Variants in LRRC8C observed in about 807,000 individuals in gnomAD.
LRRC8C encodes volume-regulated anion channel subunit LRRC8C.
A neutral mutation model predicts 55.3 loss-of-function variants in LRRC8C; 20 were observed. That is an observed-to-expected ratio of 0.36 (90% CI 0.25 to 0.53). The LOEUF (loss-of-function observed/expected upper bound fraction) is 0.53. Among genes scored for constraint, LRRC8C ranks in the 20% least tolerant of loss-of-function variants. The pLI, the probability that LRRC8C is intolerant of heterozygous loss-of-function variation, is 0.92. For missense variants in LRRC8C, 659 were observed against 951.4 expected, an observed-to-expected ratio of 0.69 and a Z score of 4.04; for synonymous variants, 376 against 360.7, an observed-to-expected ratio of 1.04 and a Z score of -0.48.
intron 1 of LRRC8C, among the ~76,000 whole-genome samples, chr1:89,664,532 T>C (rs1418935294): frequency 6.6e-6 from 1 of 152,230 alleles, no homozygotes; most frequent in Non-Finnish European, 1.5e-5. Context: ...CCATGCTGTT[T>C]TGATTACTGT....
Position 89,713,336 on chromosome 1 carries a change from G to C in LRRC8C, c.766G>C (p.Asp256His), listed in dbSNP as rs1658710540. The C allele has an allele frequency of 6.2e-7, 1 of 1,614,220 alleles. No homozygotes were observed. The highest frequency in any genetic ancestry group is 1.7e-5 in the Admixed American group (1 of 60,028). The stretch of plus-strand genomic sequence containing the variant: ...GTTCAGGCTGCATGTGGAAGAAGGT[G>C]ATATTCTATATGCCATGTATGTTCG... Reference protein sequence around the residue: ...KKFRLHVEEGDILYAMYVRQT... With the variant: ...KKFRLHVEEGHILYAMYVRQT... Residue 256 changes from aspartate to histidine, a missense_variant, in exon 3 of 3, where the codon GAT becomes CAT. Transcript: ENST00000370454. The surrounding 1 kb of genome is among the most constrained non-coding windows in gnomAD (Gnocchi z 5.2).
intron 1 of LRRC8C, among the ~76,000 whole-genome samples, chr1:89,678,777 G>A (rs1407326616): frequency 6.6e-6 from 1 of 151,940 alleles, no homozygotes; most frequent in Non-Finnish European, 1.5e-5. Context: ...TTATGAGACA[G>A]GAGTCAAGGA....
chr1:89,640,045 T>C (rs12058749), intron 1 of LRRC8C, among the ~76,000 whole-genome samples: 56,608 of 152,128 alleles, frequency 0.37, 11,683 homozygotes, highest in South Asian at 0.56. Flanking sequence ...TGAAAACTCA[T>C]ACATCTTGTC....
At chr1:89,706,012 G>A (rs1046246986) in intron 2 of LRRC8C, among the ~76,000 whole-genome samples, 2 of 151,988 alleles carry the variant, frequency 1.3e-5, no homozygotes, top group African/African-American at 2.4e-5. Context: ...AATACTACTA[G>A]GGTTGTTTTT....
rs1656172839 is a variant in LRRC8C, at chr1:89,633,283, T to A, written c.-44T>A. 6.6e-6 allele frequency: 1 copy of A among 152,136 alleles called. No homozygotes were observed. The highest frequency in any genetic ancestry group is 2.1e-4 in the South Asian group (1 of 4,828). The allele number at this position is 152,136 out of a possible 1,614,324, so 9.4% of individuals were successfully genotyped here. ...GCCCGACCCCCAGGCAGCTCGCCGC[T>A]CCCTAGCACCTTCTCCAGTCGACAC... On this transcript the variant is annotated 5_prime_UTR_variant, in exon 1 of 3. Transcript: ENST00000370454.
At chr1:89,655,799 A>G (rs1656926948) in intron 1 of LRRC8C, among the ~76,000 whole-genome samples, 1 of 152,172 alleles carries the variant, frequency 6.6e-6, no homozygotes, top group African/African-American at 2.4e-5. Context: ...TGTATCCCTT[A>G]CTTGTCTGTT....
intron 1 of LRRC8C, among the ~76,000 whole-genome samples, chr1:89,644,610 C>G (rs1656562853): frequency 6.6e-6 from 1 of 152,226 alleles, no homozygotes; most frequent in Non-Finnish European, 1.5e-5. Flanking sequence ...TACTAACTCT[C>G]ATACCTGACA....
intron 2 of LRRC8C, among the ~76,000 whole-genome samples, chr1:89,710,748 G>T (rs1276203845): frequency 2.0e-5 from 3 of 152,186 alleles, no homozygotes; most frequent in East Asian, 1.9e-4. Context: ...TATCTGCATA[G>T]GACATGGCAA....
At chr1:89,680,293 G>C (rs1186013556) in intron 1 of LRRC8C, among the ~76,000 whole-genome samples, 1 of 151,906 alleles carries the variant, frequency 6.6e-6, no homozygotes, top group Non-Finnish European at 1.5e-5. Flanking sequence ...TAGCCAGGAT[G>C]GTCTCGATCT....
chr1:89,675,857 A>G (rs535179030), intron 1 of LRRC8C, among the ~76,000 whole-genome samples: 3 of 152,220 alleles, frequency 2.0e-5, no homozygotes, highest in African/African-American at 4.8e-5. Context: ...TAAGAAGGCC[A>G]GTAAGATGCA....
intron 1 of LRRC8C, among the ~76,000 whole-genome samples, chr1:89,659,215 TC>T (rs1231794839): frequency 6.6e-6 from 1 of 151,958 alleles, no homozygotes; most frequent in African/African-American, 2.4e-5. Flanking sequence ...AGCCCAGCTA[TC>T]CCAGTTTTTA....
intron 1 of LRRC8C, among the ~76,000 whole-genome samples, chr1:89,646,092 A>T (rs568961497): frequency 6.6e-6 from 1 of 152,262 alleles, no homozygotes; most frequent in East Asian, 1.9e-4. Flanking sequence ...ATAGAAAGAA[A>T]TACTAGATTT....
At chr1:89,645,120 C>T (rs1242905591) in intron 1 of LRRC8C, among the ~76,000 whole-genome samples, 1 of 152,062 alleles carries the variant, frequency 6.6e-6, no homozygotes, top group Non-Finnish European at 1.5e-5. Context: ...AATTTTAAAA[C>T]TGCTATTATA....
At chr1:89,685,827 G>GA (rs1491036402) in intron 1 of LRRC8C, among the ~76,000 whole-genome samples, 2 of 131,218 alleles carry the variant, frequency 1.5e-5, no homozygotes, top group African/African-American at 5.3e-5. Context: ...AGGAAACAGA[G>GA]AAAAAAATCA....
At chr1:89,709,653 G>A (rs1376229973) in intron 2 of LRRC8C, among the ~76,000 whole-genome samples, 2 of 152,102 alleles carry the variant, frequency 1.3e-5, no homozygotes, top group Admixed American at 1.3e-4. Context: ...AGCACCTTAA[G>A]AAGATGCCTC....
chr1:89,676,121 G>A (rs905086070), intron 1 of LRRC8C: 10 of 152,128 alleles, frequency 6.6e-5, no homozygotes. Flanking sequence ...AGAAATTAAA[G>A]CTTTCTTTTA....
intron 2 of LRRC8C, among the ~76,000 whole-genome samples, chr1:89,688,502 TA>T (rs1657941297): frequency 6.6e-6 from 1 of 152,086 alleles, no homozygotes; most frequent in Non-Finnish European, 1.5e-5. Flanking sequence ...AATCTTCAAA[TA>T]GGATGGCCTG....
At position 89,714,270 on chromosome 1, in the gene LRRC8C, T is replaced by C; in HGVS notation, c.1700T>C (p.Leu567Pro). 6.2e-7 allele frequency: 1 copy of C among 1,614,134 alleles called. No individual in the cohort carries two copies. Among genetic ancestry groups the C allele is most frequent in the Non-Finnish European group, 8.5e-7 (1 of 1,180,022 alleles). ...GCAGTGGTTGATGTTTCCAGCCATCTCCAGAAGATGTGCATACATAATGAT... is the reference window on the plus strand; with the variant it reads ...GCAGTGGTTGATGTTTCCAGCCATCCCCAGAAGATGTGCATACATAATGAT... ...PQAVVDVSSH[L>P]QKMCIHNDGT... Residue 567 changes from leucine (L) to proline (P), a missense_variant, in exon 3 of 3, where the codon CTC becomes CCC. Physicochemically the swap from Leu to Pro is moderately conservative, Grantham distance 98 (BLOSUM62 -3). Transcript: ENST00000370454. This position sits in a 1 kb window ranked among gnomAD's most constrained non-coding sequence, Gnocchi z 4.6.
intron 1 of LRRC8C, among the ~76,000 whole-genome samples, chr1:89,655,034 C>G (rs916268260): frequency 3.3e-5 from 5 of 151,948 alleles, no homozygotes; most frequent in Non-Finnish European, 5.9e-5. Context: ...AATATGAAGT[C>G]CCATGTCCTA....
Sources: gnomAD v4.1 joint callset for allele counts (sites outside exome capture counted in the v4.1 genomes callset) on GRCh38, gnomAD v4.1.1 for gene constraint, Gnocchi (gnomAD v3.1) non-coding constraint, MANE v1.5 for transcripts, NCBI Gene and HGNC (gene_info 2026-07-23, HGNC 2026-07-21) for gene names.